Variants in RALYL observed in about 807,000 individuals in gnomAD.
The protein encoded by RALYL is RALY RNA binding protein like.
In RALYL, 29 loss-of-function variants were observed where a neutral mutation model predicts 35.1. The observed-to-expected ratio is 0.83, with a 90% CI of 0.61 to 1.13. The LOEUF (loss-of-function observed/expected upper bound fraction) is 1.13, where lower values mean the gene tolerates loss of function less well. Ranked by LOEUF, RALYL falls within the 50% of genes most tolerant of loss-of-function variation. The pLI is 0.00. For synonymous variants in RALYL, 120 were observed against 127.6 expected (o/e 0.94, Z 0.40); for missense variants, 359 against 360.4 (o/e 1.00, Z 0.03).
intron 1 of RALYL, among the ~76,000 whole-genome samples, chr8:84,238,080 T>C (rs1827003420): frequency 2.0e-5 from 3 of 152,156 alleles, no homozygotes; most frequent in South Asian, 2.1e-4. Flanking sequence ...ATAACCGTAA[T>C]GTTAAGCTGA....
intron 1 of RALYL, among the ~76,000 whole-genome samples, chr8:84,469,231 G>C (rs2052293097): frequency 6.6e-6 from 1 of 152,026 alleles, no homozygotes; most frequent in South Asian, 2.1e-4. Context: ...GCTTTTTAGA[G>C]TTTCCAGTTT....
intron 4 of RALYL, among the ~76,000 whole-genome samples, chr8:84,805,735 G>A (rs1275933666): frequency 1.3e-5 from 2 of 152,134 alleles, no homozygotes; most frequent in Non-Finnish European, 2.9e-5. Context: ...TTTTTGACAT[G>A]AGTGCACATG....
At chr8:84,261,367 C>T (rs111860274) in intron 1 of RALYL, among the ~76,000 whole-genome samples, 39 of 152,100 alleles carry the variant, frequency 2.6e-4, no homozygotes, top group Admixed American at 4.6e-4. Context: ...ATCATGGGGG[C>T]GGTTTCTCCC....
chr8:84,667,062 CA>C (rs1832221872), intron 2 of RALYL, among the ~76,000 whole-genome samples: 1 of 152,002 alleles, frequency 6.6e-6, no homozygotes, highest in Admixed American at 6.6e-5. Flanking sequence ...GTTTTTAAAA[CA>C]AAAGGAAGAA....
chr8:84,557,691 A>C (rs1031386576), intron 2 of RALYL, among the ~76,000 whole-genome samples: 3 of 152,148 alleles, frequency 2.0e-5, no homozygotes, highest in Non-Finnish European at 4.4e-5. Context: ...ACTATTTACT[A>C]TATTTACTAT....
chr8:84,258,930 T>G (rs1477527848), intron 1 of RALYL, among the ~76,000 whole-genome samples: 1 of 152,152 alleles, frequency 6.6e-6, no homozygotes, highest in East Asian at 1.9e-4. Context: ...TGTTCTATCT[T>G]TATTGTTTTA....
intron 1 of RALYL, among the ~76,000 whole-genome samples, chr8:84,510,830 T>C (rs1194709439): frequency 1.3e-5 from 2 of 151,950 alleles, no homozygotes; most frequent in Non-Finnish European, 2.9e-5. Flanking sequence ...ACCATAATTG[T>C]ATAAATTTAT....
chr8:84,479,202 C>T lies in RALYL; in HGVS notation c.-23-50097C>T, dbSNP rs572862805. Among the ~76,000 whole-genome samples the T allele has an allele frequency of 6.4e-5, 9 of 140,104 alleles. No homozygotes were observed. In the Admixed American group the frequency reaches 6.7e-4, roughly 10 times the overall value. 91.9% of individuals were successfully genotyped at this position (140,104 alleles called of 152,430 possible). A position where few individuals can be genotyped will look rare whatever the true frequency, so the allele number is the denominator to read the frequency against. ...TTTTGTAGATAATCCTTTTATTAAA[C>T]TTTCCTAAATTACTTGCTTTTCCCG... On this transcript the variant is annotated intron_variant, in intron 1 of 8. Coordinates refer to ENST00000521268, the MANE Select transcript of RALYL (RefSeq NM_173848.7).
At chr8:84,271,059 T>A (rs1834216844) in intron 1 of RALYL, among the ~76,000 whole-genome samples, 1 of 151,558 alleles carries the variant, frequency 6.6e-6, no homozygotes, top group Non-Finnish European at 1.5e-5. Flanking sequence ...AAATAGAACT[T>A]TATCAAATTA....
chr8:84,411,849 G>A (rs75426751), intron 1 of RALYL, among the ~76,000 whole-genome samples: 6,209 of 151,844 alleles, frequency 0.041, 159 homozygotes, highest in Middle Eastern at 0.054. Context: ...AAGGGGCAGG[G>A]GCCAGACTTC....
At chr8:84,464,037 C>T (rs2051173282) in intron 1 of RALYL, among the ~76,000 whole-genome samples, 1 of 151,672 alleles carries the variant, frequency 6.6e-6, no homozygotes. Flanking sequence ...CATGCTGTTG[C>T]ATTTATCAGT....
In RALYL at chr8:84,712,668, TA is replaced by T. The variant is rs374638388; in HGVS notation, c.257-61906del. On this transcript the variant is annotated intron_variant, in intron 2 of 8. Transcript: ENST00000521268. ...TGCTGCATTTATATCTACACTTGCA[TA>T]AAAACCGTGGCATTTACTCTGTCCC... Among the ~76,000 whole-genome samples, 401 of 152,304 alleles carry T rather than the reference TA, an allele frequency of 2.6e-3. 2 individuals are homozygous for T. Among genetic ancestry groups the T allele is most frequent in the African/African-American group, 9.3e-3 (388 of 41,584 alleles).
chr8:84,433,988 A>G (rs2047434214), intron 1 of RALYL, among the ~76,000 whole-genome samples: 1 of 151,914 alleles, frequency 6.6e-6, no homozygotes, highest in Non-Finnish European at 1.5e-5. Flanking sequence ...AAGGGAAGGT[A>G]GGTATATTAG....
chr8:84,905,491 G>T (rs1320001975), intron 8 of RALYL, among the ~76,000 whole-genome samples: 1 of 151,964 alleles, frequency 6.6e-6, no homozygotes, highest in Non-Finnish European at 1.5e-5. Context: ...GGGGAGAGGG[G>T]GACCTCCATA....
At chr8:84,725,876 C>T (rs1342376166) in intron 2 of RALYL, among the ~76,000 whole-genome samples, 1 of 151,530 alleles carries the variant, frequency 6.6e-6, no homozygotes, top group African/African-American at 2.4e-5. Context: ...ATAGGAGTCA[C>T]AAACACATTT....
chr8:84,905,931 C>G (rs1424918176), intron 8 of RALYL, among the ~76,000 whole-genome samples: 1 of 151,854 alleles, frequency 6.6e-6, no homozygotes, highest in Non-Finnish European at 1.5e-5. Flanking sequence ...CATTCCAAAC[C>G]TAAAATGTTT....
chr8:84,778,620 A>C lies in RALYL; in HGVS notation c.332+3966A>C, dbSNP rs539023595. Among the ~76,000 whole-genome samples the C allele has an allele frequency of 5.6e-4, 85 of 152,254 alleles. No homozygotes were observed. The South Asian group carries it at 0.01, about 19-fold the overall frequency. On this transcript the variant is annotated intron_variant, in intron 3 of 8. Coordinates refer to ENST00000521268, the MANE Select transcript of RALYL (RefSeq NM_173848.7). Reference sequence around the variant, plus strand: ...AGCTGACTTTTGAAGGGAAAGAGAGAGGGAAGGGCATCTCATAGTAGGAGC... The same window carrying C: ...AGCTGACTTTTGAAGGGAAAGAGAGCGGGAAGGGCATCTCATAGTAGGAGC...
At chr8:84,666,899 G>A (rs72679400) in intron 2 of RALYL, among the ~76,000 whole-genome samples, 3,424 of 152,164 alleles carry the variant, frequency 0.023, 59 homozygotes, top group Non-Finnish European at 0.036. Context: ...GGGCACTCTG[G>A]TGGTAGTTGC....
chr8:84,187,004 T>C (rs1162908043), intron 1 of RALYL, among the ~76,000 whole-genome samples: 1 of 152,074 alleles, frequency 6.6e-6, no homozygotes, highest in Non-Finnish European at 1.5e-5. Flanking sequence ...ATCAATTTAA[T>C]TGTGCAGATC....
Sources: gnomAD v4.1 joint callset for allele counts (sites outside exome capture counted in the v4.1 genomes callset) on GRCh38, gnomAD v4.1.1 for gene constraint, MANE v1.5 for transcripts, NCBI Gene and HGNC (gene_info 2026-07-23, HGNC 2026-07-21) for gene names.